The following PREX2 variants were observed in gnomAD, a reference collection of about 807,000 sequenced individuals.
PREX2 encodes the protein phosphatidylinositol-3,4,5-trisphosphate dependent Rac exchange factor 2, also known as phosphatidylinositol 3,4,5-trisphosphate-dependent Rac exchanger 2 protein.
A neutral mutation model predicts 203.2 loss-of-function variants in PREX2; 107 were observed. The ratio of observed to expected loss-of-function variants is 0.53; its 90% CI spans 0.45 to 0.62. PREX2 has a LOEUF of 0.62. PREX2 is among the 20% of genes least tolerant of loss of function. The pLI is 0.00. For missense variants in PREX2, 1,777 were observed against 1,955.9 expected, an observed-to-expected ratio of 0.91 and a Z score of 1.72; for synonymous variants, 672 against 663.6, an observed-to-expected ratio of 1.01 and a Z score of -0.19.
chr8:68,080,430 T>A lies in PREX2; in HGVS notation c.1643-13T>A. On this transcript the variant is annotated splice_polypyrimidine_tract_variant and intron_variant, in intron 15 of 39. Transcript: ENST00000288368. ...AATTAGCTGAAATAATTTGCATCTG[T>A]CTTTTTCTGTAGTCCTTGAAAAAAG... 1.9e-6 allele frequency: 3 copies of A among 1,607,654 alleles called. No homozygotes were observed. Among genetic ancestry groups the A allele is most frequent in the Non-Finnish European group, 2.5e-6 (3 of 1,178,256 alleles).
chr8:68,208,975 C>A (rs1221350048), intron 37 of PREX2, among the ~76,000 whole-genome samples: 2 of 149,474 alleles, frequency 1.3e-5, no homozygotes, highest in Non-Finnish European at 3.0e-5. Flanking sequence ...GAGCCCAAGG[C>A]AGGAGGATCA....
At chr8:68,166,663 T>C (rs927271672) in intron 35 of PREX2, among the ~76,000 whole-genome samples, 2 of 152,226 alleles carry the variant, frequency 1.3e-5, no homozygotes, top group African/African-American at 2.4e-5. Context: ...TGCCTTGATA[T>C]CTGACAAAAT....
intron 1 of PREX2, among the ~76,000 whole-genome samples, chr8:68,008,093 G>C (rs1196170083): frequency 6.6e-6 from 1 of 152,160 alleles, no homozygotes; most frequent in Non-Finnish European, 1.5e-5. Context: ...GCTCCAGAAA[G>C]CTGTTCACCA....
intron 23 of PREX2, chr8:68,105,545 C>A: frequency 1.8e-6 from 2 of 1,132,906 alleles, no homozygotes; most frequent in African/African-American, 1.6e-5. Flanking sequence ...CACTTCTTGA[C>A]ATCACCCTAT....
Position 68,080,468 on chromosome 8 carries a change from T to C in PREX2, c.1668T>C (p.Asp556=), listed in dbSNP as rs1377985232. ...HHVLEKSEFK[D]EPLLFRFFSD... Reference sequence around the variant, plus strand: ...TCCTTGAAAAAAGCGAATTCAAAGATGAACCCCTACTTTTCCGTTTTTTTT... The same window carrying C: ...TCCTTGAAAAAAGCGAATTCAAAGACGAACCCCTACTTTTCCGTTTTTTTT... The change falls in exon 16 of 40, where the codon GAT becomes GAC. Residue 556 remains aspartate (D), a synonymous_variant. Transcript: ENST00000288368. 3 of 1,612,556 alleles carry C rather than the reference T, an allele frequency of 1.9e-6. No individual in the cohort carries two copies. In the South Asian group the frequency reaches 3.3e-5, roughly 18 times the overall value.
chr8:68,101,354 G>A (rs1336511478), intron 23 of PREX2: 2 of 518,790 alleles, frequency 3.9e-6, no homozygotes, highest in Non-Finnish European at 7.7e-6. Flanking sequence ...TAATGTTTGG[G>A]TTGTTGAGTT....
intron 23 of PREX2, among the ~76,000 whole-genome samples, chr8:68,107,491 C>T (rs1456099026): frequency 6.6e-6 from 1 of 152,178 alleles, no homozygotes; most frequent in Non-Finnish European, 1.5e-5. Flanking sequence ...GTGAGTATCA[C>T]TTTATTCTCA....
intron 9 of PREX2, among the ~76,000 whole-genome samples, chr8:68,055,584 T>A (rs984526162): frequency 6.6e-6 from 1 of 152,174 alleles, no homozygotes; most frequent in Non-Finnish European, 1.5e-5. Context: ...CTTACTCCCC[T>A]GGCTAAAGCT....
intron 35 of PREX2, among the ~76,000 whole-genome samples, chr8:68,187,643 G>A (rs1812215243): frequency 6.6e-6 from 1 of 152,138 alleles, no homozygotes; most frequent in Non-Finnish European, 1.5e-5. Flanking sequence ...TTACCACATT[G>A]CTTTTTCTAC....
chr8:67,958,891 G>T (rs1344739344), intron 1 of PREX2, among the ~76,000 whole-genome samples: 1 of 152,142 alleles, frequency 6.6e-6, no homozygotes, highest in East Asian at 1.9e-4. Context: ...AAATGAATTT[G>T]CTTTTGGACA....
intron 2 of PREX2, 98 bp from the exon 3 acceptor site, chr8:68,019,451 A>G: frequency 1.1e-6 from 1 of 928,782 alleles, no homozygotes; most frequent in Non-Finnish European, 1.6e-6. Context: ...GAAGGCATGG[A>G]TGTATGGTTT....
chr8:68,093,390 CA>C (rs56001927), intron 20 of PREX2, among the ~76,000 whole-genome samples: 1,097 of 81,428 alleles, frequency 0.013, 9 homozygotes, highest in African/African-American at 0.025. Flanking sequence ...AACTCCATCT[CA>C]AAAAAAAAAA....
At chr8:68,219,122 G>T (rs148189248) in intron 38 of PREX2, among the ~76,000 whole-genome samples, 75 of 152,134 alleles carry the variant, frequency 4.9e-4, no homozygotes, top group African/African-American at 1.7e-3. Flanking sequence ...CTTGGGAAGC[G>T]CCATCTCAAA....
chr8:68,156,124 G>A (rs1180435306), intron 34 of PREX2, among the ~76,000 whole-genome samples: 3 of 152,258 alleles, frequency 2.0e-5, no homozygotes, highest in African/African-American at 4.8e-5. Context: ...CCAGTGGCAC[G>A]ATCCTAGCTT....
intron 1 of PREX2, among the ~76,000 whole-genome samples, chr8:67,982,182 A>G (rs1394850373): frequency 1.3e-5 from 2 of 152,088 alleles, no homozygotes; most frequent in African/African-American, 2.4e-5. Context: ...TGTAATCCCA[A>G]CACTTTGGGA....
rs1244859344 is a variant in PREX2, at chr8:68,236,523, T to C, written c.*5145T>C. ...AAACCTAATATCATATATACAAATA[T>C]ACTGTATGTAGCCAAGAACACTAAA... On this transcript the variant is annotated 3_prime_UTR_variant, in exon 40 of 40. Transcript: ENST00000288368. The C allele has an allele frequency of 1.3e-5, 2 of 152,166 alleles. No homozygotes were observed. Among genetic ancestry groups the C allele is most frequent in the East Asian group, 1.9e-4 (1 of 5,194 alleles). The allele number at this position is 152,166 out of a possible 1,614,324, so 9.4% of individuals were successfully genotyped here. A position where few individuals can be genotyped will look rare whatever the true frequency, so the allele number is the denominator to read the frequency against.
At chr8:68,158,701 G>T (rs997036254) in intron 35 of PREX2, among the ~76,000 whole-genome samples, 2 of 152,116 alleles carry the variant, frequency 1.3e-5, no homozygotes, top group African/African-American at 4.8e-5. Flanking sequence ...AAGGGACTAG[G>T]AGGATGTAAT....
intron 1 of PREX2, among the ~76,000 whole-genome samples, chr8:68,007,312 A>G (rs747258803): frequency 3.9e-5 from 6 of 152,210 alleles, no homozygotes; most frequent in Non-Finnish European, 7.3e-5. Flanking sequence ...TTGACCACTT[A>G]CACAGATTTT....
chr8:68,175,732 A>G (rs1168144935), intron 35 of PREX2, among the ~76,000 whole-genome samples: 1 of 152,184 alleles, frequency 6.6e-6, no homozygotes, highest in African/African-American at 2.4e-5. Flanking sequence ...ATTCATCTGT[A>G]TCAATTTTAA....
Sources: gnomAD v4.1 joint callset for allele counts (sites outside exome capture counted in the v4.1 genomes callset) on GRCh38, gnomAD v4.1.1 for gene constraint, MANE v1.5 for transcripts, NCBI Gene and HGNC (gene_info 2026-07-23, HGNC 2026-07-21) for gene names.